ABLIM1: variants seen among roughly 807,000 people sequenced by gnomAD.
ABLIM1 encodes actin-binding LIM protein 1.
ABLIM1 carries 40 observed loss-of-function variants against 107.0 expected under a neutral mutation model. The ratio of observed to expected loss-of-function variants is 0.37; its 90% CI spans 0.29 to 0.49. The LOEUF (loss-of-function observed/expected upper bound fraction) is 0.49. ABLIM1 is among the 20% of genes least tolerant of loss of function. The pLI is 0.97. For synonymous variants in ABLIM1, 357 were observed against 357.3 expected (o/e 1.00, Z 0.01); for missense variants, 857 against 1,008.5 (o/e 0.85, Z 2.04).
chr10:114,649,400 A>AAAAT (rs57772186), intron 1 of ABLIM1, among the ~76,000 whole-genome samples: 1,747 of 136,294 alleles, frequency 0.013, 15 homozygotes, highest in Middle Eastern at 0.022. Flanking sequence ...AGACTCTGTC[A>AAAAT]AAATAAATAA....
chr10:114,567,942 G>A (rs2071007828), intron 4 of ABLIM1, among the ~76,000 whole-genome samples: 1 of 152,030 alleles, frequency 6.6e-6, no homozygotes, highest in African/African-American at 2.4e-5. Context: ...TGTAATCCCA[G>A]CACTTTGGGA....
chr10:114,611,234 A>C (rs916490808), intron 1 of ABLIM1, among the ~76,000 whole-genome samples: 1 of 152,186 alleles, frequency 6.6e-6, no homozygotes, highest in Non-Finnish European at 1.5e-5. Context: ...TGGGAGGCCA[A>C]GGCGGGTGGA....
At chr10:114,441,516 A>G (rs1463617165) in intron 18 of ABLIM1, among the ~76,000 whole-genome samples, 1 of 152,234 alleles carries the variant, frequency 6.6e-6, no homozygotes, top group African/African-American at 2.4e-5. Flanking sequence ...TCTTTTATCT[A>G]AAGTTAATTT....
intron 6 of ABLIM1, among the ~76,000 whole-genome samples, chr10:114,516,154 G>C (rs1470289341): frequency 6.6e-6 from 1 of 151,754 alleles, no homozygotes; most frequent in African/African-American, 2.4e-5. Context: ...ATTGTCTAAG[G>C]GAGTGAGGTG....
At chr10:114,661,817 C>A (rs1218975352), upstream of ABLIM1, among the ~76,000 whole-genome samples, 1 of 152,100 alleles carries the variant, frequency 6.6e-6, no homozygotes, top group East Asian at 1.9e-4. Context: ...TGAAAATGAA[C>A]CATCAGTGGG....
At chr10:114,735,800 G>A (rs1229081692) in intron 1 of ABLIM1, among the ~76,000 whole-genome samples, 1 of 152,164 alleles carries the variant, frequency 6.6e-6, no homozygotes, top group Non-Finnish European at 1.5e-5. Context: ...AAATGTTTCA[G>A]TCAAACTGTT....
chr10:114,457,174 A>C (rs765207608), intron 12 of ABLIM1, among the ~76,000 whole-genome samples: 1 of 152,218 alleles, frequency 6.6e-6, no homozygotes, highest in Non-Finnish European at 1.5e-5. Flanking sequence ...TACCAAAGGC[A>C]TGACAAATTT....
intron 12 of ABLIM1, among the ~76,000 whole-genome samples, chr10:114,463,320 A>G (rs377511270): frequency 6.6e-6 from 1 of 152,192 alleles, no homozygotes; most frequent in South Asian, 2.1e-4. Flanking sequence ...AAGGGTTAAG[A>G]GTGCACCTGC....
chr10:114,525,220 G>A (rs955632139), intron 6 of ABLIM1, among the ~76,000 whole-genome samples: 1 of 152,246 alleles, frequency 6.6e-6, no homozygotes, highest in Admixed American at 6.5e-5. Context: ...TAATGCTGAG[G>A]TTGAGAAACC....
intron 1 of ABLIM1, among the ~76,000 whole-genome samples, chr10:114,730,948 G>A (rs2082060503): frequency 6.6e-6 from 1 of 152,070 alleles, no homozygotes; most frequent in African/African-American, 2.4e-5. Context: ...TTCACTTAGT[G>A]TGTTTTCAAG....
intron 7 of ABLIM1, among the ~76,000 whole-genome samples, chr10:114,489,483 A>AT (rs1176995604): frequency 6.6e-6 from 1 of 152,216 alleles, no homozygotes; most frequent in Non-Finnish European, 1.5e-5. Context: ...TTTAACAATC[A>AT]TTTTTTCCAT....
At chr10:114,776,618 A>T in the ABLIM1 span, among the ~76,000 whole-genome samples, 3 of 152,316 alleles carry the variant, frequency 2.0e-5, no homozygotes, top group Admixed American at 6.5e-5. Context: ...GTCTCAAAAA[A>T]AAAATAAAAT....
chr10:114,537,537 C>T (rs1488988699), intron 6 of ABLIM1, among the ~76,000 whole-genome samples: 1 of 152,132 alleles, frequency 6.6e-6, no homozygotes, highest in East Asian at 1.9e-4. Flanking sequence ...TCTGTCACAC[C>T]AATTAGATCC....
At chr10:114,744,637 C>T (rs529574478) in intron 1 of ABLIM1, among the ~76,000 whole-genome samples, 1 of 152,068 alleles carries the variant, frequency 6.6e-6, no homozygotes, top group Non-Finnish European at 1.5e-5. Flanking sequence ...GAGAGTAAGA[C>T]CCTGTCTCAA....
chr10:114,729,198 A>T (rs1286206099), intron 1 of ABLIM1, among the ~76,000 whole-genome samples: 1 of 152,060 alleles, frequency 6.6e-6, no homozygotes, highest in East Asian at 1.9e-4. Context: ...AGCAGAACTA[A>T]GATATGACCC....
chr10:114,705,156 A>G (rs2081394938), intron 1 of ABLIM1, among the ~76,000 whole-genome samples: 1 of 152,176 alleles, frequency 6.6e-6, no homozygotes, highest in African/African-American at 2.4e-5. Flanking sequence ...TACTTAAACT[A>G]TCTTAGATAT....
Position 114,536,227 on chromosome 10 carries a change from GTTTTTTTTTTTTTTTTTTTTTTTT to G in ABLIM1, c.894+8754_894+8777del, listed in dbSNP as rs536435789. Among the ~76,000 whole-genome samples the G allele has an allele frequency of 2.0e-4, 11 of 56,260 alleles. No individual in the cohort carries two copies. In the South Asian group the frequency reaches 3.6e-3, roughly 18 times the overall value. 36.9% of individuals were successfully genotyped at this position (56,260 alleles called of 152,430 possible). A position where few individuals can be genotyped will look rare whatever the true frequency, so the allele number is the denominator to read the frequency against. On this transcript the variant is annotated intron_variant, in intron 6 of 22. Coordinates refer to ENST00000533213, the MANE Select transcript of ABLIM1 (RefSeq NM_002313.7). Reference sequence around the variant, plus strand: ...TGACTGTCTTTTTCCTTCTTTCTTTGTTTTTTTTTTTTTTTTTTTTTTTTTTTTTTTTTTTTTGAGATGGAGTCT... The same window carrying G: ...TGACTGTCTTTTTCCTTCTTTCTTTGTTTTTTTTTTTTTGAGATGGAGTCT...
At position 114,519,554 on chromosome 10, in the gene ABLIM1, C is replaced by T. The variant is rs186276628; in HGVS notation, c.894+25451G>A. Among the ~76,000 whole-genome samples, 4 of 152,292 alleles carry T rather than the reference C, an allele frequency of 2.6e-5. No homozygotes were observed. The East Asian group carries it at 7.7e-4, about 29-fold the overall frequency. On this transcript the variant is annotated intron_variant, in intron 6 of 22. Coordinates refer to ENST00000533213, the MANE Select transcript of ABLIM1 (RefSeq NM_002313.7). ...CTTTCCAATATCCTCATCACACAGA[C>T]AGTTAAATTGCAAACCACAAGACAT...
rs150452046 is a variant in ABLIM1, at chr10:114,696,745, T to C, written c.-213+71316A>G. Among the ~76,000 whole-genome samples, 117 of 152,260 alleles carry C rather than the reference T, an allele frequency of 7.7e-4. 2 individuals are homozygous for C. In the East Asian group the frequency reaches 0.019, roughly 25 times the overall value. ...CTCCCCAGTCACATGGAACTGTGAG[T>C]CCATTAAACCTCTTTTCCTTTATAA... On this transcript the variant is annotated intron_variant, in intron 1 of 15. Coordinates refer to the ABLIM1 transcript ENST00000651092.
Sources: gnomAD v4.1 joint callset for allele counts (sites outside exome capture counted in the v4.1 genomes callset) on GRCh38, gnomAD v4.1.1 for gene constraint, MANE v1.5 for transcripts, NCBI Gene and HGNC (gene_info 2026-07-23, HGNC 2026-07-21) for gene names.